PUDP: variants seen among roughly 807,000 people sequenced by gnomAD.
PUDP encodes the protein pseudouridine-5'-phosphatase.
PUDP carries 8 observed loss-of-function variants against 9.4 expected under a neutral mutation model. The ratio of observed to expected loss-of-function variants is 0.85; its 90% confidence interval spans 0.50 to 1.53. The LOEUF is 1.53. Ranked by LOEUF, PUDP falls within the 40% of genes most tolerant of loss-of-function variation. PUDP has a pLI of 0.00. For synonymous variants in PUDP, 99 were observed against 80.7 expected (o/e 1.23, Z -1.22); for missense variants, 188 against 189.7 (o/e 0.99, Z 0.05).
chrX:6,813,734 G>A (rs1926182782), intron 3 of PUDP, among the ~76,000 whole-genome samples: 1 of 111,484 alleles, frequency 9.0e-6, no homozygotes, highest in African/African-American at 3.3e-5. Flanking sequence ...AGATGATGGG[G>A]GGTGGGTGTT....
intron 3 of PUDP, among the ~76,000 whole-genome samples, chrX:6,765,047 G>A (rs1188685379): frequency 1.8e-5 from 2 of 108,928 alleles, no homozygotes; most frequent in South Asian, 4.1e-4. Context: ...CACGAGGATC[G>A]CTTGAGCCCA....
chrX:6,752,584 C>A (rs1454535148), intron 3 of PUDP, among the ~76,000 whole-genome samples: 1 of 111,636 alleles, frequency 9.0e-6, no homozygotes, highest in Non-Finnish European at 1.9e-5. Context: ...AAAGGTGGCA[C>A]TAAGGCTGTG....
Position 7,105,697 on chromosome X carries a change from G to A in PUDP, c.203C>T (p.Pro68Leu), listed in dbSNP as rs770485495. 7.5e-6 allele frequency: 9 copies of A among 1,207,713 alleles called. No individual in the cohort carries two copies. Among genetic ancestry groups the A allele is most frequent in the East Asian group, 3.0e-5 (1 of 33,754 alleles). ...TTCCACCAGCTCCTCTTTGGACATC[G>A]GGAGCTGCAAGACGTCTATTATAAT... ...AQIIIDVLQL[P>L]MSKEELVEES... Residue 68 changes from proline to leucine, a missense_variant, in exon 2 of 4, where the codon CCG becomes CTG. Physicochemically the swap from Pro to Leu is moderately conservative, Grantham distance 98 (BLOSUM62 -3). Transcript: ENST00000381077.
chrX:6,883,943 C>T (rs955759381), intron 3 of PUDP, among the ~76,000 whole-genome samples: 1 of 111,655 alleles, frequency 9.0e-6, no homozygotes, highest in African/African-American at 3.3e-5. Flanking sequence ...CGGGTTCACA[C>T]CATTCTCCTG....
At chrX:6,722,209 G>A (rs761470070), upstream of PUDP, among the ~76,000 whole-genome samples, 122 of 111,268 alleles carry the variant, frequency 1.1e-3, no homozygotes, top group African/African-American at 3.9e-3. Context: ...ACTTTTGGAG[G>A]CCAAGGCGGG....
chrX:7,141,468 T>C (rs1932795122), intron 1 of PUDP, among the ~76,000 whole-genome samples: 1 of 112,833 alleles, frequency 8.9e-6, no homozygotes, highest in Non-Finnish European at 1.9e-5. Flanking sequence ...GACTGAGGCA[T>C]GTGAGAAAGC....
At chrX:6,882,637 G>A (rs1053035501) in intron 3 of PUDP, among the ~76,000 whole-genome samples, 1 of 111,634 alleles carries the variant, frequency 9.0e-6, no homozygotes, top group Non-Finnish European at 1.9e-5. Context: ...CATGAGCGGT[G>A]GTTAAGGCAA....
chrX:6,714,876 T>C (rs746190141), intron 1 of PUDP, among the ~76,000 whole-genome samples: 14 of 111,297 alleles, frequency 1.3e-4, no homozygotes, highest in African/African-American at 4.6e-4. Context: ...ACTCAGAACT[T>C]ATGTGTCCTA....
intron 3 of PUDP, among the ~76,000 whole-genome samples, chrX:6,753,227 G>C (rs948132595): frequency 8.1e-5 from 9 of 111,631 alleles, no homozygotes; most frequent in Non-Finnish European, 1.5e-4. Flanking sequence ...ATATGGTTTG[G>C]TTTTCCATTC....
intron 3 of PUDP, among the ~76,000 whole-genome samples, chrX:6,769,061 C>T (rs1925323737): frequency 8.9e-6 from 1 of 111,801 alleles, no homozygotes; most frequent in Non-Finnish European, 1.9e-5. Flanking sequence ...ATAAATTATG[C>T]TCACACTTCT....
At chrX:7,036,108 C>G (rs1190860938) in intron 1 of PUDP, among the ~76,000 whole-genome samples, 1 of 112,000 alleles carries the variant, frequency 8.9e-6, no homozygotes, top group African/African-American at 3.2e-5. Context: ...TTTGAACTTT[C>G]CAGCCACCAG....
At chrX:6,753,482 G>T (rs756587537) in intron 3 of PUDP, among the ~76,000 whole-genome samples, 2 of 111,258 alleles carry the variant, frequency 1.8e-5, no homozygotes, top group African/African-American at 6.5e-5. Flanking sequence ...CCTCTGGGTG[G>T]ATAACCAATA....
chrX:6,708,073 C>T (rs922027242), intron 1 of PUDP, among the ~76,000 whole-genome samples: 1 of 111,580 alleles, frequency 9.0e-6, no homozygotes, highest in Non-Finnish European at 1.9e-5. Flanking sequence ...CCCACCCTAA[C>T]CCCCTCAAAA....
At chrX:6,942,386 G>A (rs1928411886) in intron 3 of PUDP, among the ~76,000 whole-genome samples, 2 of 111,248 alleles carry the variant, frequency 1.8e-5, no homozygotes, top group Non-Finnish European at 3.8e-5. Context: ...ACCACCACAG[G>A]CCCTAGTTTC....
chrX:6,776,398 G>A (rs1569096643), intron 3 of PUDP, among the ~76,000 whole-genome samples: 1 of 111,025 alleles, frequency 9.0e-6, no homozygotes, highest in Non-Finnish European at 1.9e-5. Context: ...CAGGCATGCA[G>A]TGGGAGCCTG....
At chrX:6,750,966 C>T (rs375834152) in intron 3 of PUDP, among the ~76,000 whole-genome samples, 3 of 110,074 alleles carry the variant, frequency 2.7e-5, no homozygotes, top group Non-Finnish European at 3.8e-5. Flanking sequence ...GGTAAAACCC[C>T]GTCTCTAGCA....
intron 1 of PUDP, among the ~76,000 whole-genome samples, chrX:7,029,098 A>G (rs185204342): frequency 1.6e-3 from 182 of 112,439 alleles, no homozygotes; most frequent in African/African-American, 5.6e-3. Context: ...ATGTTGCCCA[A>G]CACAAATTCG....
intron 3 of PUDP, among the ~76,000 whole-genome samples, chrX:6,817,306 C>A (rs917914911): frequency 3.6e-5 from 4 of 110,631 alleles, no homozygotes; most frequent in African/African-American, 1.3e-4. Context: ...CTCCTGGCCT[C>A]AAGTGATCCT....
chrX:6,956,847 C>G (rs1928635875), intron 3 of PUDP, among the ~76,000 whole-genome samples: 1 of 111,136 alleles, frequency 9.0e-6, no homozygotes. Flanking sequence ...GGAGTCACTT[C>G]CTGGTGAGTT....
Sources: allele counts gnomAD v4.1 joint callset (sites outside exome capture counted in the v4.1 genomes callset), GRCh38; gene constraint gnomAD v4.1.1; transcripts MANE v1.5; gene names NCBI Gene and HGNC (gene_info 2026-07-23, HGNC 2026-07-21).